The following MYO6 variants were observed in gnomAD, a reference collection of about 807,000 sequenced individuals.
MYO6 encodes unconventional myosin-VI.
Under a neutral mutation model 178.7 loss-of-function variants are expected in MYO6, and 74 were observed. The observed-to-expected ratio is 0.41, with a 90% CI of 0.34 to 0.50. MYO6 has a LOEUF of 0.50. MYO6 is among the 20% of genes least tolerant of loss of function. MYO6 has a pLI of 0.09. For missense variants in MYO6, 1,330 were observed against 1,547.4 expected (o/e 0.86, Z 2.36); for synonymous variants, 477 against 504.6 (o/e 0.95, Z 0.73).
intron 1 of MYO6, among the ~76,000 whole-genome samples, chr6:75,773,949 A>G (rs1766131696): frequency 6.6e-6 from 1 of 152,224 alleles, no homozygotes; most frequent in African/African-American, 2.4e-5. Flanking sequence ...GTTTTTTAGA[A>G]GGCCTTAAAA....
intron 2 of MYO6, among the ~76,000 whole-genome samples, chr6:75,818,320 A>G (rs1006270277): frequency 6.6e-6 from 1 of 152,216 alleles, no homozygotes; most frequent in Non-Finnish European, 1.5e-5. Flanking sequence ...TTCAGTCTTC[A>G]TGGAGACTGA....
intron 1 of MYO6, among the ~76,000 whole-genome samples, chr6:75,760,460 A>T (rs1473392589): frequency 6.6e-6 from 1 of 152,120 alleles, no homozygotes; most frequent in Admixed American, 6.5e-5. Context: ...ACAAGATCTT[A>T]CTCAGATTAA....
chr6:75,838,240 A>G (rs149129347), intron 7 of MYO6, among the ~76,000 whole-genome samples: 48 of 151,906 alleles, frequency 3.2e-4, no homozygotes, highest in African/African-American at 1.1e-3. Context: ...TTTTTTTAGT[A>G]GAGTCGGGGT....
chr6:75,755,559 G>T (rs1397691619), intron 1 of MYO6, among the ~76,000 whole-genome samples: 2 of 152,100 alleles, frequency 1.3e-5, no homozygotes, highest in East Asian at 3.9e-4. Context: ...TCTAGTTGGA[G>T]AATTTTTAAA....
At chr6:75,849,296 A>G (rs1294132197) in intron 11 of MYO6, among the ~76,000 whole-genome samples, 1 of 152,330 alleles carries the variant, frequency 6.6e-6, no homozygotes. Context: ...AATATTTACT[A>G]TCTGGCCCTT....
At chr6:75,767,235 AG>A (rs1208549651) in intron 1 of MYO6, among the ~76,000 whole-genome samples, 1 of 152,032 alleles carries the variant, frequency 6.6e-6, no homozygotes, top group East Asian at 1.9e-4. Flanking sequence ...CATGTTGACT[AG>A]GCTGGTCTCG....
chr6:75,778,509 A>G (rs1457720908), intron 1 of MYO6, among the ~76,000 whole-genome samples: 3 of 151,912 alleles, frequency 2.0e-5, no homozygotes, highest in Non-Finnish European at 4.4e-5. Context: ...AGGCGGGAGA[A>G]TGGCTTGAAC....
At chr6:75,866,663 A>C in intron 17 of MYO6, 42 bp downstream of exon 17, 1 of 1,479,452 alleles carries the variant, frequency 6.8e-7, no homozygotes, top group Non-Finnish European at 9.5e-7. Flanking sequence ...TTCATGTTGA[A>C]GCTGCACTGT....
intron 32 of MYO6, among the ~76,000 whole-genome samples, chr6:75,911,030 C>A (rs1048778781): frequency 6.6e-6 from 1 of 152,040 alleles, no homozygotes; most frequent in African/African-American, 2.4e-5. Flanking sequence ...AGACCCTCTT[C>A]CTGGTACAGT....
intron 5 of MYO6, among the ~76,000 whole-genome samples, chr6:75,831,831 A>T (rs1222408693): frequency 6.6e-6 from 1 of 150,954 alleles, no homozygotes; most frequent in Non-Finnish European, 1.5e-5. Context: ...TCGAGGCTGC[A>T]GTGAGGTGAA....
chr6:75,892,485 A>AT, intron 27 of MYO6, 45 bp from the exon 28 acceptor site: 1 of 1,613,374 alleles, frequency 6.2e-7, no homozygotes, highest in Non-Finnish European at 8.5e-7. Flanking sequence ...TGATCAAGTA[A>AT]ACAAGTGAAG....
intron 1 of MYO6, among the ~76,000 whole-genome samples, chr6:75,796,768 T>C (rs1332245832): frequency 6.6e-6 from 1 of 152,020 alleles, no homozygotes; most frequent in Non-Finnish European, 1.5e-5. Flanking sequence ...ACACCTGGCA[T>C]TGGCTCCCAT....
At chr6:75,864,506 T>C (rs571251996) in intron 16 of MYO6, among the ~76,000 whole-genome samples, 1 of 152,342 alleles carries the variant, frequency 6.6e-6, no homozygotes, top group African/African-American at 2.4e-5. Context: ...ATTGAAGATA[T>C]ATATCCAATC....
At chr6:75,862,815 A>T in intron 16 of MYO6, 92 bp downstream of exon 16, 6 of 1,451,448 alleles carry the variant, frequency 4.1e-6, no homozygotes, top group Middle Eastern at 3.5e-4. Context: ...GATAATTAGA[A>T]TAAAAATTAT....
chr6:75,865,669 A>G (rs1429136572), intron 16 of MYO6, among the ~76,000 whole-genome samples: 1 of 151,954 alleles, frequency 6.6e-6, no homozygotes. Flanking sequence ...CTAGCCCAAC[A>G]TCACTTTTCT....
chr6:75,749,343 C>G lies in MYO6; in HGVS notation c.-128C>G, dbSNP rs1318648736. ...CGCGTCGTCGCCCTCTTCACTGGCC[C>G]TCATCACTTCTCACCGCGCCCTCCA... On this transcript the variant is annotated 5_prime_UTR_variant, in exon 1 of 35. Coordinates refer to ENST00000369977, the MANE Select transcript of MYO6 (RefSeq NM_004999.4). 1 of 153,992 alleles carries G rather than the reference C, an allele frequency of 6.5e-6. No homozygotes were observed. Among genetic ancestry groups the G allele is most frequent in the Non-Finnish European group, 1.4e-5 (1 of 69,574 alleles). 9.5% of individuals were successfully genotyped at this position (153,992 alleles called of 1,614,324 possible). A position where few individuals can be genotyped will look rare whatever the true frequency, so the allele number is the denominator to read the frequency against.
chr6:75,811,374 T>C (rs1418661185), intron 1 of MYO6, among the ~76,000 whole-genome samples: 5 of 152,210 alleles, frequency 3.3e-5, no homozygotes, highest in South Asian at 2.1e-4. Flanking sequence ...AACCATTTGC[T>C]TTCCAAATTA....
intron 1 of MYO6, among the ~76,000 whole-genome samples, chr6:75,810,382 T>G (rs1420638680): frequency 6.6e-6 from 1 of 152,226 alleles, no homozygotes; most frequent in Non-Finnish European, 1.5e-5. Context: ...GGGTCTGATA[T>G]CTGGCATGTG....
At chr6:75,799,263 C>T (rs996482986) in intron 1 of MYO6, among the ~76,000 whole-genome samples, 3 of 151,778 alleles carry the variant, frequency 2.0e-5, no homozygotes, top group African/African-American at 7.3e-5. Context: ...GGTGGCAGGC[C>T]CCTGTAATCC....
Sources: gnomAD v4.1 joint callset for allele counts (sites outside exome capture counted in the v4.1 genomes callset) on GRCh38, gnomAD v4.1.1 for gene constraint, MANE v1.5 for transcripts, NCBI Gene and HGNC (gene_info 2026-07-23, HGNC 2026-07-21) for gene names.